CACNA2D3: variants seen among roughly 807,000 people sequenced by gnomAD.
CACNA2D3 encodes the protein calcium voltage-gated channel auxiliary subunit alpha2delta 3, also known as voltage-dependent calcium channel subunit alpha-2/delta-3.
Under a neutral mutation model 160.6 loss-of-function variants are expected in CACNA2D3, and 60 were observed. That is an observed-to-expected ratio of 0.37 (90% CI 0.30 to 0.46). The LOEUF is 0.46. Ranked by LOEUF, CACNA2D3 falls within the 20% of genes least tolerant of loss-of-function variation. The pLI is 1.00. For missense variants in CACNA2D3, 1,205 were observed against 1,365.0 expected (o/e 0.88, Z 1.85); for synonymous variants, 558 against 492.9 (o/e 1.13, Z -1.75).
At chr3:54,736,114 T>TAG (rs1701520748) in intron 11 of CACNA2D3, among the ~76,000 whole-genome samples, 1 of 25,378 alleles carries the variant, frequency 3.9e-5, no homozygotes, top group Non-Finnish European at 9.0e-5. Context: ...TATATGTATA[T>TAG]ATATACATAT....
chr3:54,247,782 A>G (rs1702108619), intron 2 of CACNA2D3, among the ~76,000 whole-genome samples: 1 of 152,204 alleles, frequency 6.6e-6, no homozygotes, highest in Non-Finnish European at 1.5e-5. Flanking sequence ...TTGAAATTCC[A>G]TATTGGGATG....
At position 54,880,782 on chromosome 3, in the gene CACNA2D3, GTC is replaced by G. The variant is rs1699777553; in HGVS notation, c.1845-8_1845-7del. On this transcript the variant is annotated splice_polypyrimidine_tract_variant and intron_variant, in intron 20 of 37. Transcript: ENST00000474759. ...TGCCAGGGATTTCAAGATTTGCTTT[GTC>G]TCTCTGCACAGTTTAGGTGTGGCGC... 16 of 1,611,346 alleles carry G rather than the reference GTC, an allele frequency of 9.9e-6. No homozygotes were observed. The highest frequency in any genetic ancestry group is 1.2e-5 in the Non-Finnish European group (14 of 1,177,520).
intron 3 of CACNA2D3, among the ~76,000 whole-genome samples, chr3:54,339,083 C>CGGG (rs1174246414): frequency 6.6e-6 from 1 of 152,166 alleles, no homozygotes; most frequent in African/African-American, 2.4e-5. Flanking sequence ...TGATTTCTGA[C>CGGG]TTTATTTACA....
chr3:54,827,824 A>G (rs1703779642), intron 14 of CACNA2D3, among the ~76,000 whole-genome samples: 1 of 152,216 alleles, frequency 6.6e-6, no homozygotes, highest in Non-Finnish European at 1.5e-5. Flanking sequence ...AAATTCATTT[A>G]AGGACCATTT....
intron 11 of CACNA2D3, among the ~76,000 whole-genome samples, chr3:54,677,635 G>A (rs566376161): frequency 1.4e-3 from 212 of 149,896 alleles, no homozygotes; most frequent in African/African-American, 5.0e-3. Context: ...GGGGGGCAAC[G>A]TACTTACTCG....
intron 4 of CACNA2D3, among the ~76,000 whole-genome samples, chr3:54,460,268 GT>G (rs1229029776): frequency 5.9e-5 from 9 of 151,982 alleles, no homozygotes; most frequent in Admixed American, 2.6e-4. Flanking sequence ...CTCTTTTTTG[GT>G]TCCATATGAA....
Position 54,860,015 on chromosome 3 carries a change from A to C in CACNA2D3, c.1627-11524A>C, listed in dbSNP as rs201625902. Among the ~76,000 whole-genome samples, 222 of 80,088 alleles carry C rather than the reference A, an allele frequency of 2.8e-3. 1 individual carries two copies. The South Asian group carries it at 0.029, about 11-fold the overall frequency. The allele number at this position is 80,088 out of a possible 152,430, so 52.5% of individuals were successfully genotyped here. A position where few individuals can be genotyped will look rare whatever the true frequency, so the allele number is the denominator to read the frequency against. ...ACACACACACACACACACACACACA[A>C]ACACACATATTCCAAATTAGATCGG... On this transcript the variant is annotated intron_variant, in intron 17 of 37. Transcript: ENST00000474759.
At chr3:55,040,421 G>A (rs1208702686) in intron 35 of CACNA2D3, among the ~76,000 whole-genome samples, 1 of 152,048 alleles carries the variant, frequency 6.6e-6, no homozygotes, top group Non-Finnish European at 1.5e-5. Flanking sequence ...TATCAATATT[G>A]TTGCTAAAAG....
chr3:54,180,242 T>C (rs1700759144), intron 2 of CACNA2D3, among the ~76,000 whole-genome samples: 1 of 152,098 alleles, frequency 6.6e-6, no homozygotes, highest in Non-Finnish European at 1.5e-5. Flanking sequence ...AGGAGGTGAC[T>C]GGGGTACGTG....
chr3:55,042,981 T>A (rs1703989945), intron 35 of CACNA2D3, among the ~76,000 whole-genome samples: 2 of 152,142 alleles, frequency 1.3e-5, no homozygotes, highest in South Asian at 4.1e-4. Context: ...TATAAATGTA[T>A]CATATTTTGT....
intron 17 of CACNA2D3, among the ~76,000 whole-genome samples, chr3:54,857,085 T>A (rs1699187774): frequency 1.3e-5 from 2 of 152,098 alleles, no homozygotes; most frequent in Admixed American, 1.3e-4. Flanking sequence ...CTGGCCAGGA[T>A]GATGTATTAA....
chr3:54,593,949 T>C, intron 9 of CACNA2D3, among the ~76,000 whole-genome samples: 1 of 152,196 alleles, frequency 6.6e-6, no homozygotes, highest in Admixed American at 6.5e-5. Context: ...GAAACTATGC[T>C]CAATTCTTTT....
chr3:54,884,480 C>CCA (rs1699879424), intron 21 of CACNA2D3, among the ~76,000 whole-genome samples: 3 of 152,172 alleles, frequency 2.0e-5, no homozygotes, highest in Admixed American at 6.6e-5. Flanking sequence ...CAGTAAGATA[C>CCA]TATCAGTCAT....
At chr3:54,977,966 C>A (rs1169605102) in intron 29 of CACNA2D3, among the ~76,000 whole-genome samples, 1 of 152,126 alleles carries the variant, frequency 6.6e-6, no homozygotes, top group Non-Finnish European at 1.5e-5. Flanking sequence ...TTATTCATGC[C>A]TCTCCTTTTT....
intron 4 of CACNA2D3, among the ~76,000 whole-genome samples, chr3:54,490,493 G>GT (rs1701091744): frequency 6.6e-6 from 1 of 152,242 alleles, no homozygotes; most frequent in African/African-American, 2.4e-5. Flanking sequence ...CAGGGAGAGA[G>GT]TGGGAAGGCT....
intron 11 of CACNA2D3, among the ~76,000 whole-genome samples, chr3:54,706,268 T>C (rs2106955887): frequency 6.6e-6 from 1 of 152,326 alleles, no homozygotes; most frequent in African/African-American, 2.4e-5. Flanking sequence ...TGTTCTCTTC[T>C]GGGGATCAAC....
intron 27 of CACNA2D3, chr3:54,918,456 C>T (rs370592912): frequency 1.2e-6 from 2 of 1,604,956 alleles, no homozygotes; most frequent in Non-Finnish European, 1.7e-6. Flanking sequence ...GAGACAAAAG[C>T]TCTCAGGCTG....
chr3:54,556,258 T>C (rs1237272058), intron 5 of CACNA2D3, among the ~76,000 whole-genome samples: 2 of 152,004 alleles, frequency 1.3e-5, no homozygotes, highest in Non-Finnish European at 2.9e-5. Flanking sequence ...AAATTTAGGG[T>C]GGTGCCTAAA....
rs377346997 is a variant in CACNA2D3, at chr3:54,570,111, G to A, written c.888+7G>A. 1 of 1,611,526 alleles carries A rather than the reference G, an allele frequency of 6.2e-7. No homozygotes were observed. Among genetic ancestry groups the A allele is most frequent in the Non-Finnish European group, 8.5e-7 (1 of 1,178,136 alleles). On this transcript the variant is annotated splice_region_variant and intron_variant, in intron 8 of 37. Coordinates refer to ENST00000474759, the MANE Select transcript of CACNA2D3 (RefSeq NM_018398.3). ...CTTCTTCAACATAATTGCTGTGAGT[G>A]CACCGTTTTGTGCCTTCTTTGCACT...
Sources: gnomAD v4.1 joint callset for allele counts (sites outside exome capture counted in the v4.1 genomes callset) on GRCh38, gnomAD v4.1.1 for gene constraint, MANE v1.5 for transcripts, NCBI Gene and HGNC (gene_info 2026-07-23, HGNC 2026-07-21) for gene names.